The following CUX1 variants were observed in gnomAD, a reference collection of about 807,000 sequenced individuals.
CUX1 encodes protein CASP.
Under a neutral mutation model 158.8 loss-of-function variants are expected in CUX1, and 31 were observed. That is an observed-to-expected ratio of 0.20 (90% CI 0.15 to 0.26). CUX1 has a LOEUF of 0.26. CUX1 is among the 10% of genes least tolerant of loss of function. CUX1 has a pLI of 1.00. For synonymous variants in CUX1, 879 were observed against 862.1 expected (o/e 1.02, Z -0.34); for missense variants, 1,589 against 2,014.6 (o/e 0.79, Z 4.04).
chr7:102,092,645 C>T (rs529978891), intron 4 of CUX1, among the ~76,000 whole-genome samples: 1 of 152,294 alleles, frequency 6.6e-6, no homozygotes, highest in East Asian at 1.9e-4. Context: ...GGTGTGGTGG[C>T]TCATGCCTGT....
chr7:102,258,870 A>G (rs1183425439), downstream of CUX1, among the ~76,000 whole-genome samples: 1 of 152,174 alleles, frequency 6.6e-6, no homozygotes, highest in Non-Finnish European at 1.5e-5. Context: ...TGACGGGGCT[A>G]CTGAGAAGAG....
At chr7:101,927,494 CA>C (rs1421377684) in intron 2 of CUX1, among the ~76,000 whole-genome samples, 2 of 151,814 alleles carry the variant, frequency 1.3e-5, no homozygotes, top group Non-Finnish European at 2.9e-5. Context: ...CCCATCTCTA[CA>C]AAAAAATGAA....
In CUX1 at chr7:102,197,130, T is replaced by A; in HGVS notation, c.1719T>A (p.Ile573=). Residue 573 remains isoleucine, a synonymous_variant, in exon 15 of 24, where the codon ATT becomes ATA. Coordinates refer to ENST00000292535, the MANE Select transcript of CUX1 (RefSeq NM_181552.4). ...QLIKHNIGQR[I]FGHYVLGLSQ... ...TTAAGCACAATATCGGACAACGTAT[T>A]TTCGGACATTATGTGTTGGGACTGT... 6.2e-7 allele frequency: 1 copy of A among 1,614,216 alleles called. No individual in the cohort carries two copies. The highest frequency in any genetic ancestry group is 1.1e-5 in the South Asian group (1 of 91,084).
chr7:102,140,630 C>T (rs918515916), intron 8 of CUX1, among the ~76,000 whole-genome samples: 3 of 150,404 alleles, frequency 2.0e-5, no homozygotes, highest in South Asian at 2.2e-4. Context: ...GAGGCCGAGG[C>T]GGGAGAATCA....
In CUX1 at chr7:101,834,165, C is replaced by CTTTTTTTT. The variant is rs575992276; in HGVS notation, c.30+16515_30+16522dup. 1.3e-4 allele frequency among the ~76,000 whole-genome samples: 9 copies of CTTTTTTTT among 71,080 alleles called. 1 individual carries two copies. Among genetic ancestry groups the CTTTTTTTT allele is most frequent in the African/African-American group, 2.3e-4 (4 of 17,340 alleles). The allele number at this position is 71,080 out of a possible 152,430, so 46.6% of individuals were successfully genotyped here. ...TATTTATTTGAAAAGCTGATTGTTT[C>CTTTTTTTT]TTTTTTTTTTTTTTTTTTTTTTTTT... On this transcript the variant is annotated intron_variant, in intron 1 of 23. Transcript: ENST00000292535.
At chr7:102,175,441 A>C (rs922718235) in intron 10 of CUX1, among the ~76,000 whole-genome samples, 1 of 151,970 alleles carries the variant, frequency 6.6e-6, no homozygotes, top group South Asian at 2.1e-4. Context: ...ACCTCCCTAC[A>C]TGTCACTTCT....
chr7:102,157,188 C>T (rs986700356), intron 8 of CUX1, among the ~76,000 whole-genome samples: 4 of 152,052 alleles, frequency 2.6e-5, no homozygotes, highest in African/African-American at 4.8e-5. Context: ...AAGGGCCTTG[C>T]GTGTGGCTGA....
intron 1 of CUX1, among the ~76,000 whole-genome samples, chr7:101,844,607 GTTC>G (rs1562919161): frequency 6.6e-6 from 1 of 151,734 alleles, no homozygotes; most frequent in Non-Finnish European, 1.5e-5. Flanking sequence ...CCTTGTCATC[GTTC>G]TTCTTTTTTC....
chr7:101,890,336 T>C (rs1205839792), intron 1 of CUX1, among the ~76,000 whole-genome samples: 1 of 151,838 alleles, frequency 6.6e-6, no homozygotes, highest in African/African-American at 2.4e-5. Context: ...GGGTGTTAGG[T>C]CCAGAGGTGC....
At chr7:102,056,988 G>C (rs557518392) in intron 3 of CUX1, among the ~76,000 whole-genome samples, 1 of 150,014 alleles carries the variant, frequency 6.7e-6, no homozygotes, top group Non-Finnish European at 1.5e-5. Flanking sequence ...TGCAACCTCT[G>C]CCTCCTGGGT....
At chr7:102,088,854 G>C (rs989696059) in intron 4 of CUX1, among the ~76,000 whole-genome samples, 7 of 152,004 alleles carry the variant, frequency 4.6e-5, no homozygotes, top group African/African-American at 1.7e-4. Context: ...TGTTCTTTGG[G>C]TTTATCCTGC....
At chr7:102,228,191 T>C (rs1554529408) in intron 21 of CUX1, among the ~76,000 whole-genome samples, 3 of 149,576 alleles carry the variant, frequency 2.0e-5, no homozygotes, top group East Asian at 4.2e-4. Context: ...CCTCAAGCAA[T>C]CTGCCCACCT....
chr7:101,932,972 T>C (rs1459938766), intron 2 of CUX1, among the ~76,000 whole-genome samples: 2 of 152,268 alleles, frequency 1.3e-5, no homozygotes, highest in African/African-American at 2.4e-5. Context: ...TCATTCATAC[T>C]TGAAACTTGA....
intron 4 of CUX1, among the ~76,000 whole-genome samples, chr7:102,084,435 T>C (rs1827754372): frequency 7.0e-6 from 1 of 142,398 alleles, no homozygotes. Context: ...TTCTTTTTTT[T>C]TTTTTTGAGA....
chr7:102,033,219 C>T (rs147185868), intron 3 of CUX1, among the ~76,000 whole-genome samples: 14 of 152,262 alleles, frequency 9.2e-5, no homozygotes, highest in African/African-American at 3.4e-4. Flanking sequence ...GAGGCCAAGC[C>T]AGGAGGATCA....
At chr7:102,125,989 G>A (rs1303520661) in intron 8 of CUX1, among the ~76,000 whole-genome samples, 1 of 151,490 alleles carries the variant, frequency 6.6e-6, no homozygotes, top group East Asian at 1.9e-4. Context: ...CCTTTTACAT[G>A]ACATTATTTT....
At chr7:102,127,579 GTTTTT>G (rs112702274) in intron 8 of CUX1, among the ~76,000 whole-genome samples, 1 of 134,760 alleles carries the variant, frequency 7.4e-6, no homozygotes, top group Non-Finnish European at 1.7e-5. Context: ...TTTTGTTTTT[GTTTTT>G]TTTTTTACCT....
At position 102,257,453 on chromosome 7, in the gene CUX1, G is replaced by A. The variant is rs1790022844; in HGVS notation, c.*8411G>A. The stretch of plus-strand genomic sequence containing the variant: ...AAAATCCCGTGTATTCTGGAGATGT[G>A]AGAATTCACCCAAAATTCTTAAAAC... On this transcript the variant is annotated 3_prime_UTR_variant, in exon 24 of 24. Coordinates refer to ENST00000292535, the MANE Select transcript of CUX1 (RefSeq NM_181552.4). 2 of 985,158 alleles carry A rather than the reference G, an allele frequency of 2.0e-6. No homozygotes were observed. Among genetic ancestry groups the A allele is most frequent in the South Asian group, 9.4e-5 (2 of 21,278 alleles). 61.0% of individuals were successfully genotyped at this position (985,158 alleles called of 1,614,324 possible).
chr7:102,026,529 T>C (rs1820039441), intron 2 of CUX1, among the ~76,000 whole-genome samples: 1 of 151,740 alleles, frequency 6.6e-6, no homozygotes, highest in Non-Finnish European at 1.5e-5. Context: ...CTTCATCAAC[T>C]AAAATGTAGG....
Sources: gnomAD v4.1 joint callset for allele counts (sites outside exome capture counted in the v4.1 genomes callset) on GRCh38, gnomAD v4.1.1 for gene constraint, MANE v1.5 for transcripts, NCBI Gene and HGNC (gene_info 2026-07-23, HGNC 2026-07-21) for gene names.